The following AGBL1 variants were observed in gnomAD, a reference collection of about 807,000 sequenced individuals.
AGBL1 encodes AGBL carboxypeptidase 1, also known as cytosolic carboxypeptidase 4.
Under a neutral mutation model 118.9 loss-of-function variants are expected in AGBL1, and 130 were observed. That is an observed-to-expected ratio of 1.09 (90% confidence interval 0.95 to 1.26). AGBL1 has a LOEUF of 1.26. Ranked by LOEUF, AGBL1 falls within the 50% of genes most tolerant of loss-of-function variation. The pLI is 0.00. For missense variants in AGBL1, 1,584 were observed against 1,298.1 expected (o/e 1.22, Z -3.38); for synonymous variants, 555 against 478.9 (o/e 1.16, Z -2.08).
At chr15:86,923,389 G>C (rs1005138252) in intron 23 of AGBL1, among the ~76,000 whole-genome samples, 1 of 152,108 alleles carries the variant, frequency 6.6e-6, no homozygotes. Context: ...AGGCAGAGTG[G>C]CCTATTCCCC....
chr15:86,675,054 A>T (rs746460852), intron 22 of AGBL1, among the ~76,000 whole-genome samples: 32 of 152,194 alleles, frequency 2.1e-4, no homozygotes, highest in Non-Finnish European at 4.1e-4. Flanking sequence ...CTGTTGAGAA[A>T]TATTTTAGAC....
At chr15:87,028,412 T>A (rs1015833190) in intron 24 of AGBL1, among the ~76,000 whole-genome samples, 4 of 151,946 alleles carry the variant, frequency 2.6e-5, no homozygotes, top group Admixed American at 2.0e-4. Context: ...AGTGGCCAAT[T>A]TCATATAGAA....
intron 17 of AGBL1, among the ~76,000 whole-genome samples, chr15:86,311,607 T>A (rs183283260): frequency 7.0e-4 from 106 of 152,298 alleles, no homozygotes; most frequent in East Asian, 2.3e-3. Flanking sequence ...GCTTCCTATT[T>A]TTTTTCTTTT....
chr15:86,473,789 G>C (rs975280371), intron 18 of AGBL1, among the ~76,000 whole-genome samples: 1 of 152,104 alleles, frequency 6.6e-6, no homozygotes, highest in South Asian at 2.1e-4. Context: ...TGTTGCCAAC[G>C]TTTGCCTATA....
intron 22 of AGBL1, among the ~76,000 whole-genome samples, chr15:86,832,503 C>T (rs1265403003): frequency 2.6e-5 from 4 of 152,140 alleles, no homozygotes; most frequent in Non-Finnish European, 4.4e-5. Context: ...CACCAGATGC[C>T]CTAAATCATC....
At chr15:86,162,186 G>A (rs998992811) in intron 5 of AGBL1, among the ~76,000 whole-genome samples, 87 of 152,080 alleles carry the variant, frequency 5.7e-4, no homozygotes, top group Admixed American at 5.7e-3. Flanking sequence ...GCTCAAGGGG[G>A]GTCTTGCAGG....
intron 23 of AGBL1, among the ~76,000 whole-genome samples, chr15:86,979,390 T>C (rs56811450): frequency 0.13 from 20,131 of 152,182 alleles, 1,365 homozygotes; most frequent in East Asian, 0.14. Context: ...TCTTACTATA[T>C]CTAATACATG....
At position 86,323,961 on chromosome 15, in the gene AGBL1, A is replaced by G. The variant is rs79355717; in HGVS notation, c.2374+28553A>G. Among the ~76,000 whole-genome samples, 16 of 152,340 alleles carry G rather than the reference A, an allele frequency of 1.1e-4. No individual in the cohort carries two copies. In the East Asian group the frequency reaches 2.5e-3, roughly 24 times the overall value. On this transcript the variant is annotated intron_variant, in intron 17 of 22. Transcript: ENST00000614907. ...ATTAACCTGTATGTTGAGCTGCTGT[A>G]TATCCCAGAACCCCAGTTAATGGAT...
intron 24 of AGBL1, among the ~76,000 whole-genome samples, chr15:87,008,377 C>T (rs2081525187): frequency 6.6e-6 from 1 of 152,170 alleles, no homozygotes; most frequent in African/African-American, 2.4e-5. Context: ...TCTTTAATTG[C>T]CAGCATCCAT....
chr15:86,477,744 C>T (rs1048406401), intron 18 of AGBL1, among the ~76,000 whole-genome samples: 1 of 152,286 alleles, frequency 6.6e-6, no homozygotes, highest in South Asian at 2.1e-4. Context: ...AGGCCAGCAT[C>T]GTTCTGAGAC....
chr15:86,210,931 G>A (rs1012637687), intron 5 of AGBL1, among the ~76,000 whole-genome samples: 1 of 152,152 alleles, frequency 6.6e-6, no homozygotes, highest in Non-Finnish European at 1.5e-5. Flanking sequence ...TTTCTGCTCT[G>A]GTTTCTCCCC....
chr15:86,270,014 C>A lies in AGBL1; in HGVS notation c.1934C>A (p.Pro645His). 1 of 1,613,440 alleles carries A rather than the reference C, an allele frequency of 6.2e-7. No homozygotes were observed. The highest frequency in any genetic ancestry group is 1.3e-5 in the African/African-American group (1 of 75,050). The change falls in exon 14 of 23, where the codon CCT (proline) becomes CAT (histidine). Residue 645 changes from proline (P) to histidine (H), a missense_variant. Transcript: ENST00000614907. ...FKVSGMQAAI[P>H]YHFNIINCEK... ...GTGAGCGGTATGCAGGCGGCCATCC[C>A]TTACCACTTCAACATCATCAACTGT...
At chr15:86,645,645 A>G (rs1252613799) in intron 21 of AGBL1, among the ~76,000 whole-genome samples, 1 of 152,190 alleles carries the variant, frequency 6.6e-6, no homozygotes. Context: ...AAAGCTATTA[A>G]GACATCCTAG....
chr15:86,873,503 C>T (rs1359193337), intron 22 of AGBL1, among the ~76,000 whole-genome samples: 3 of 152,162 alleles, frequency 2.0e-5, no homozygotes, highest in Non-Finnish European at 4.4e-5. Flanking sequence ...GAAAGACTTA[C>T]ATATTGAAAT....
At chr15:86,803,276 GT>G in intron 22 of AGBL1, among the ~76,000 whole-genome samples, 1 of 152,188 alleles carries the variant, frequency 6.6e-6, no homozygotes, top group Middle Eastern at 3.4e-3. Flanking sequence ...AGATCTGATG[GT>G]TTTACAAGCA....
intron 6 of AGBL1, among the ~76,000 whole-genome samples, chr15:86,228,823 G>A (rs2078408832): frequency 1.3e-5 from 2 of 152,322 alleles, no homozygotes; most frequent in Non-Finnish European, 2.9e-5. Flanking sequence ...CTGGGCAATA[G>A]CAGGCAAAAT....
chr15:86,574,969 T>G (rs2084066224), intron 21 of AGBL1, among the ~76,000 whole-genome samples: 1 of 151,662 alleles, frequency 6.6e-6, no homozygotes, highest in Non-Finnish European at 1.5e-5. Context: ...GGCAGGTGAA[T>G]CAGAGGGTCA....
At chr15:86,548,180 C>T (rs1278693047) in intron 20 of AGBL1, among the ~76,000 whole-genome samples, 1 of 152,116 alleles carries the variant, frequency 6.6e-6, no homozygotes, top group East Asian at 1.9e-4. Context: ...TATCTACCAG[C>T]AGTCAAGAGT....
chr15:86,431,892 C>A (rs567368242), intron 18 of AGBL1, among the ~76,000 whole-genome samples: 2 of 152,194 alleles, frequency 1.3e-5, no homozygotes, highest in East Asian at 1.9e-4. Flanking sequence ...AAAGGCTTCC[C>A]CTCCCTCCAG....
Sources: gnomAD v4.1 joint callset for allele counts (sites outside exome capture counted in the v4.1 genomes callset) on GRCh38, gnomAD v4.1.1 for gene constraint, MANE v1.5 for transcripts, NCBI Gene and HGNC (gene_info 2026-07-23, HGNC 2026-07-21) for gene names.